The following IGSF21 variants were observed in gnomAD, a reference collection of about 807,000 sequenced individuals.
The protein encoded by IGSF21 is immunoglobin superfamily member 21, also known as immunoglobulin superfamily member 21.
IGSF21 carries 28 observed loss-of-function variants against 46.8 expected under a neutral mutation model. That is an observed-to-expected ratio of 0.60 (90% CI 0.44 to 0.82). The LOEUF is 0.82. Ranked by LOEUF, IGSF21 falls within the 40% of genes least tolerant of loss-of-function variation. IGSF21 has a pLI of 0.00. For synonymous variants in IGSF21, 284 were observed against 273.6 expected, an observed-to-expected ratio of 1.04 and a Z score of -0.38; for missense variants, 624 against 665.5, an observed-to-expected ratio of 0.94 and a Z score of 0.69.
At chr1:18,132,228 T>C (rs2086328144) in intron 1 of IGSF21, among the ~76,000 whole-genome samples, 1 of 151,498 alleles carries the variant, frequency 6.6e-6, no homozygotes, top group Non-Finnish European at 1.5e-5. Context: ...CAAACCACAC[T>C]GACCTATGAC....
intron 2 of IGSF21, among the ~76,000 whole-genome samples, chr1:18,291,203 C>T (rs1557627659): frequency 6.6e-6 from 1 of 152,292 alleles, no homozygotes; most frequent in East Asian, 1.9e-4. Flanking sequence ...GGGCTTCCAG[C>T]GCTGGCTTCA....
chr1:18,280,717 T>C (rs114096949), intron 2 of IGSF21, among the ~76,000 whole-genome samples: 1,857 of 152,196 alleles, frequency 0.012, 13 homozygotes, highest in Non-Finnish European at 0.019. Flanking sequence ...AGACTCCACA[T>C]GTGTGAGCCA....
chr1:18,123,437 C>G (rs2086251691), intron 1 of IGSF21, among the ~76,000 whole-genome samples: 1 of 152,216 alleles, frequency 6.6e-6, no homozygotes, highest in South Asian at 2.1e-4. Context: ...AGGGCTGGGG[C>G]TCCAGAGACA....
At chr1:18,326,201 C>G in intron 3 of IGSF21, among the ~76,000 whole-genome samples, 1 of 152,204 alleles carries the variant, frequency 6.6e-6, no homozygotes, top group Non-Finnish European at 1.5e-5. Flanking sequence ...AATGTTGCCC[C>G]CATATCACAG....
chr1:18,166,441 A>G (rs1439608669), intron 1 of IGSF21, among the ~76,000 whole-genome samples: 1 of 151,852 alleles, frequency 6.6e-6, no homozygotes, highest in East Asian at 2.0e-4. Flanking sequence ...GCACAGCCGC[A>G]GGGTGACCTT....
intron 1 of IGSF21, among the ~76,000 whole-genome samples, chr1:18,179,611 C>T (rs1305513083): frequency 2.0e-5 from 3 of 152,008 alleles, no homozygotes; most frequent in African/African-American, 7.3e-5. Flanking sequence ...ACGGTCCCTA[C>T]TGGGCCTGAT....
rs116908495 is a variant in IGSF21, at chr1:18,281,694, C to T, written c.184-10172C>T. Among the ~76,000 whole-genome samples the T allele has an allele frequency of 3.3e-5, 5 of 152,258 alleles. No individual in the cohort carries two copies. In the East Asian group the frequency reaches 9.6e-4, roughly 29 times the overall value. On this transcript the variant is annotated intron_variant, in intron 2 of 9. Coordinates refer to ENST00000251296, the MANE Select transcript of IGSF21 (RefSeq NM_032880.5). ...GGCATTTGTTAAACTGGGAAAGAGC[C>T]CCCGAGCCCCTCTCTTTAGGGGCAA...
chr1:18,214,923 G>A (rs926094444), intron 1 of IGSF21, among the ~76,000 whole-genome samples: 1 of 152,136 alleles, frequency 6.6e-6, no homozygotes, highest in African/African-American at 2.4e-5. Flanking sequence ...TGTATTTTTA[G>A]TAGAGACGGG....
chr1:18,245,329 TG>T (rs1375697545), intron 2 of IGSF21, among the ~76,000 whole-genome samples: 1 of 152,220 alleles, frequency 6.6e-6, no homozygotes, highest in Non-Finnish European at 1.5e-5. Flanking sequence ...AATTTACTAA[TG>T]TAATGAATTA....
intron 1 of IGSF21, among the ~76,000 whole-genome samples, chr1:18,226,919 G>T (rs1040533323): frequency 2.0e-5 from 3 of 152,236 alleles, no homozygotes; most frequent in African/African-American, 7.2e-5. Flanking sequence ...TGAAGGTCCA[G>T]GCCTCTGGGA....
At chr1:18,235,487 G>A (rs769756476) in intron 2 of IGSF21, among the ~76,000 whole-genome samples, 15 of 152,208 alleles carry the variant, frequency 9.9e-5, no homozygotes, top group Non-Finnish European at 1.9e-4. Flanking sequence ...AGACATTTAA[G>A]CTGAGATCGC....
At chr1:18,345,460 A>T (rs190160046) in intron 4 of IGSF21, among the ~76,000 whole-genome samples, 27 of 152,156 alleles carry the variant, frequency 1.8e-4, no homozygotes. Context: ...TCTTAGCTCA[A>T]TGCAACCTCC....
chr1:18,323,612 G>T (rs223224), intron 3 of IGSF21, among the ~76,000 whole-genome samples: 3,710 of 151,942 alleles, frequency 0.024, 95 homozygotes, highest in African/African-American at 0.063. Flanking sequence ...GAGCCTGAGA[G>T]GGGTCCCAGG....
intron 1 of IGSF21, among the ~76,000 whole-genome samples, chr1:18,139,550 C>T (rs1265329504): frequency 2.6e-5 from 4 of 152,160 alleles, no homozygotes; most frequent in African/African-American, 9.7e-5. Context: ...GCAGTGCTGT[C>T]GTCAGGTCAG....
chr1:18,127,732 A>G (rs2086285600), intron 1 of IGSF21, among the ~76,000 whole-genome samples: 1 of 152,132 alleles, frequency 6.6e-6, no homozygotes, highest in Non-Finnish European at 1.5e-5. Flanking sequence ...GTGAAACCTC[A>G]TCTCTACCAA....
chr1:18,329,084 T>C (rs1301729061), intron 3 of IGSF21, among the ~76,000 whole-genome samples: 4 of 152,106 alleles, frequency 2.6e-5, no homozygotes, highest in African/African-American at 7.2e-5. Context: ...TCAAGAGTGA[T>C]GGAGGCAAAT....
rs528196662 is a variant in IGSF21, at chr1:18,161,350, G to T, written c.70+53152G>T. Among the ~76,000 whole-genome samples, 495 of 152,234 alleles carry T rather than the reference G, an allele frequency of 3.3e-3. 5 individuals are homozygous for T. The highest frequency in any genetic ancestry group is 5.2e-3 in the Non-Finnish European group (352 of 68,020). The stretch of plus-strand genomic sequence containing the variant: ...GGAGCAAGCAGAGGTGGCTTGCGGG[G>T]ATGGTGCTGTGAATGACCCTTGGAG... On this transcript the variant is annotated intron_variant, in intron 1 of 9. Coordinates refer to ENST00000251296, the MANE Select transcript of IGSF21 (RefSeq NM_032880.5).
chr1:18,295,378 G>C (rs1043107010), intron 3 of IGSF21, among the ~76,000 whole-genome samples: 3 of 152,178 alleles, frequency 2.0e-5, no homozygotes, highest in Non-Finnish European at 4.4e-5. Context: ...AGGTGCCCAG[G>C]GATACAGGGG....
chr1:18,166,821 G>C (rs898007626), intron 1 of IGSF21: 7 of 152,580 alleles, frequency 4.6e-5, no homozygotes, highest in African/African-American at 1.7e-4. Context: ...CCTTGTAAGT[G>C]GAAGAGGATT....
Sources: allele counts gnomAD v4.1 joint callset (sites outside exome capture counted in the v4.1 genomes callset), GRCh38; gene constraint gnomAD v4.1.1; transcripts MANE v1.5; gene names NCBI Gene and HGNC (gene_info 2026-07-23, HGNC 2026-07-21).